Variants in SYN3 observed in about 807,000 individuals in gnomAD.
SYN3 encodes the protein synapsin III.
In SYN3, 35 loss-of-function variants were observed where a neutral mutation model predicts 65.8. The observed-to-expected ratio is 0.53, with a 90% CI of 0.41 to 0.70. The LOEUF (loss-of-function observed/expected upper bound fraction) is 0.70, where lower values mean the gene tolerates loss of function less well. Among genes scored for constraint, SYN3 ranks in the 30% least tolerant of loss-of-function variants. The pLI is 0.00. For synonymous variants in SYN3, 270 were observed against 292.9 expected (o/e 0.92, Z 0.80); for missense variants, 680 against 749.0 (o/e 0.91, Z 1.08).
At chr22:32,602,866 C>T (rs934338952) in intron 6 of SYN3, among the ~76,000 whole-genome samples, 5 of 152,146 alleles carry the variant, frequency 3.3e-5, no homozygotes, top group African/African-American at 9.7e-5. Flanking sequence ...CTACTATAAA[C>T]GAGACTTCAT....
At chr22:32,636,217 C>G (rs1296547521) in intron 6 of SYN3, among the ~76,000 whole-genome samples, 1 of 150,692 alleles carries the variant, frequency 6.6e-6, no homozygotes, top group East Asian at 2.0e-4. Flanking sequence ...CTGGCTAACA[C>G]AGTGAAACCC....
chr22:32,811,525 G>A (rs116450667), intron 6 of SYN3, among the ~76,000 whole-genome samples: 193 of 152,248 alleles, frequency 1.3e-3, no homozygotes, highest in African/African-American at 4.3e-3. Flanking sequence ...TGATCCCCCC[G>A]CCTCCAAATC....
rs1279966880 is a variant in SYN3, at chr22:32,507,829, CCAAT to C, written c.*5859_*5862del. ...ATACAAAACCATATCCAGGCCGTCA[CCAAT>C]CATTCTACACAACAAATGTTTCTTC... is the stretch of plus-strand genomic sequence containing the variant. On this transcript the variant is annotated 3_prime_UTR_variant, in exon 14 of 14. Transcript: ENST00000358763. 6.6e-6 allele frequency among the ~76,000 whole-genome samples: 1 copy of C among 152,084 alleles called. No individual in the cohort carries two copies. Among genetic ancestry groups the C allele is most frequent in the Admixed American group, 6.5e-5 (1 of 15,270 alleles).
chr22:32,661,457 G>A (rs1218320096), intron 6 of SYN3, among the ~76,000 whole-genome samples: 1 of 152,246 alleles, frequency 6.6e-6, no homozygotes, highest in Non-Finnish European at 1.5e-5. Context: ...TGGGGGAATT[G>A]TCTGTAGAAG....
chr22:32,827,669 C>T (rs1601470315), intron 6 of SYN3, among the ~76,000 whole-genome samples: 1 of 152,338 alleles, frequency 6.6e-6, no homozygotes, highest in African/African-American at 2.4e-5. Context: ...ATGTCAGTCA[C>T]ATCTCTGCCA....
chr22:32,859,865 C>G (rs1303686865), intron 6 of SYN3: 2 of 182,144 alleles, frequency 1.1e-5, no homozygotes, highest in African/African-American at 2.4e-5. Flanking sequence ...AGGCAGCAAG[C>G]AGATAGACTC....
intron 6 of SYN3, among the ~76,000 whole-genome samples, chr22:32,665,107 C>G (rs1601871788): frequency 7.0e-6 from 1 of 142,664 alleles, no homozygotes; most frequent in Middle Eastern, 4.1e-3. Context: ...AAGGGATTCT[C>G]ATGTCTCAGC....
chr22:32,723,328 G>A (rs2061145587), intron 6 of SYN3, among the ~76,000 whole-genome samples: 1 of 152,188 alleles, frequency 6.6e-6, no homozygotes, highest in South Asian at 2.1e-4. Context: ...CACTTCAGAG[G>A]ATCAACATTT....
intron 2 of SYN3, among the ~76,000 whole-genome samples, chr22:32,986,185 C>T (rs12166853): frequency 0.058 from 8,754 of 152,080 alleles, 810 homozygotes; most frequent in African/African-American, 0.2. Context: ...TGTAGGCCGG[C>T]CTTTCCTGGA....
At chr22:32,758,508 G>T (rs937932297) in intron 6 of SYN3, among the ~76,000 whole-genome samples, 1 of 150,414 alleles carries the variant, frequency 6.6e-6, no homozygotes. Flanking sequence ...AGACAAGACT[G>T]GCCTAGCCTC....
At chr22:33,031,473 CCGA>C (rs2053754492) in intron 1 of SYN3, among the ~76,000 whole-genome samples, 1 of 152,126 alleles carries the variant, frequency 6.6e-6, no homozygotes, top group African/African-American at 2.4e-5. Flanking sequence ...AGCCAAGCCA[CCGA>C]CATCTCCCCA....
intron 6 of SYN3, among the ~76,000 whole-genome samples, chr22:32,626,584 A>C (rs2059669436): frequency 6.6e-6 from 1 of 152,180 alleles, no homozygotes; most frequent in Non-Finnish European, 1.5e-5. Context: ...ACTTGGGCAG[A>C]GCTGAGAAAG....
intron 4 of SYN3, among the ~76,000 whole-genome samples, chr22:32,873,257 T>C (rs2048898513): frequency 6.7e-6 from 1 of 148,348 alleles, no homozygotes; most frequent in Admixed American, 6.8e-5. Flanking sequence ...GGCCAGCATT[T>C]GTTAAATTAA....
chr22:32,679,839 C>CTTTTTTTTTTTTTTTTTTTTTTTTT lies in SYN3; in HGVS notation c.712-83104_712-83103insAAAAAAAAAAAAAAAAAAAAAAAAA, dbSNP rs747116076. On this transcript the variant is annotated intron_variant, in intron 6 of 13. Coordinates refer to ENST00000358763, the MANE Select transcript of SYN3 (RefSeq NM_003490.4). ...AAACTGGGTGAGGTTTGTTTTTTGGCTTTTTTTTTTTTTTTTTTTGCTATT... is the reference window on the plus strand; with the variant it reads ...AAACTGGGTGAGGTTTGTTTTTTGGCTTTTTTTTTTTTTTTTTTTTTTTTTTTTTTTTTTTTTTTTTTTTGCTATT... Among the ~76,000 whole-genome samples, 176 of 39,150 alleles carry CTTTTTTTTTTTTTTTTTTTTTTTTT rather than the reference C, an allele frequency of 4.5e-3. 37 individuals carry two copies. The highest frequency in any genetic ancestry group is 5.6e-3 in the Non-Finnish European group (120 of 21,564). 25.7% of individuals were successfully genotyped at this position (39,150 alleles called of 152,430 possible).
intron 1 of SYN3, chr22:33,015,412 A>T: frequency 2.8e-6 from 1 of 353,318 alleles, no homozygotes; most frequent in East Asian, 8.2e-5. Context: ...TTCTTTAGGA[A>T]ATACAAAGCT....
At chr22:32,922,032 A>G (rs531034835) in intron 4 of SYN3, among the ~76,000 whole-genome samples, 2 of 152,342 alleles carry the variant, frequency 1.3e-5, no homozygotes, top group South Asian at 2.1e-4. Context: ...TAAGAAGACC[A>G]TCTATGATGG....
At chr22:32,833,701 T>A (rs759616388) in intron 6 of SYN3, 1 of 463,180 alleles carries the variant, frequency 2.2e-6, no homozygotes, top group Non-Finnish European at 4.3e-6. Context: ...GCATGCTATG[T>A]CCACCACTTC....
At chr22:32,722,049 G>T (rs2061126663) in intron 6 of SYN3, among the ~76,000 whole-genome samples, 1 of 152,218 alleles carries the variant, frequency 6.6e-6, no homozygotes, top group Admixed American at 6.5e-5. Flanking sequence ...GAGCAAATGA[G>T]CGAGAGGAAG....
At position 32,595,085 on chromosome 22, in the gene SYN3, A is replaced by AC. The variant is rs138505872; in HGVS notation, c.774+1588dup. On this transcript the variant is annotated intron_variant, in intron 7 of 13. Transcript: ENST00000358763. ...AGGCTTGAGAGGCAAACTGTGGGAG[A>AC]CCCCCAGTGCCCCCTTTCCTGTGGG... Among the ~76,000 whole-genome samples the AC allele has an allele frequency of 5.6e-3, 857 of 152,058 alleles. 7 individuals carry two copies. Among genetic ancestry groups the AC allele is most frequent in the African/African-American group, 0.019 (793 of 41,454 alleles).
Sources: allele counts gnomAD v4.1 joint callset (sites outside exome capture counted in the v4.1 genomes callset), GRCh38; gene constraint gnomAD v4.1.1; transcripts MANE v1.5; gene names NCBI Gene and HGNC (gene_info 2026-07-23, HGNC 2026-07-21).